SLC16A12: variants seen among roughly 807,000 people sequenced by gnomAD.
SLC16A12 encodes the protein monocarboxylate transporter 12.
Under a neutral mutation model 42.4 loss-of-function variants are expected in SLC16A12, and 17 were observed. The ratio of observed to expected loss-of-function variants is 0.40; its 90% CI spans 0.27 to 0.60. The LOEUF (loss-of-function observed/expected upper bound fraction) is 0.60, where lower values mean the gene tolerates loss of function less well. Among genes scored for constraint, SLC16A12 ranks in the 20% least tolerant of loss-of-function variants. The probability of loss-of-function intolerance (pLI) is 0.42; values close to 1 mark genes in which losing one functional copy is unlikely to be tolerated. For synonymous variants in SLC16A12, 224 were observed against 229.4 expected (o/e 0.98, Z 0.21); for missense variants, 544 against 623.0 (o/e 0.87, Z 1.35).
intron 3 of SLC16A12, among the ~76,000 whole-genome samples, chr10:89,457,230 T>A (rs1842209572): frequency 6.6e-6 from 1 of 152,190 alleles, no homozygotes; most frequent in Non-Finnish European, 1.5e-5. Flanking sequence ...CCTATCCATC[T>A]GACAAAGGTC....
In SLC16A12 at chr10:89,511,604, G is replaced by A. The variant is rs182632984; in HGVS notation, c.-47+22897C>T. Among the ~76,000 whole-genome samples, 4 of 152,184 alleles carry A rather than the reference G, an allele frequency of 2.6e-5. No individual in the cohort carries two copies. In the East Asian group the frequency reaches 7.7e-4, roughly 29 times the overall value. On this transcript the variant is annotated intron_variant, in intron 2 of 7. Transcript: ENST00000371790. The stretch of plus-strand genomic sequence containing the variant: ...GGAGGGTGGAGGGGCTGGGGGAGGG[G>A]ATAGCATTAGGAGAAATACTTAATG...
chr10:89,512,810 TG>T (rs1415512389), intron 2 of SLC16A12, among the ~76,000 whole-genome samples: 3 of 152,214 alleles, frequency 2.0e-5, no homozygotes, highest in Non-Finnish European at 2.9e-5. Flanking sequence ...AAGAGGGGGT[TG>T]GAACCTCTGA....
chr10:89,524,365 C>T (rs1476138812), intron 2 of SLC16A12, among the ~76,000 whole-genome samples: 1 of 152,166 alleles, frequency 6.6e-6, no homozygotes, highest in Non-Finnish European at 1.5e-5. Flanking sequence ...GACCCTGATG[C>T]TCTCGCTCCT....
intron 2 of SLC16A12, among the ~76,000 whole-genome samples, chr10:89,507,192 G>C (rs1392802367): frequency 1.3e-5 from 2 of 152,054 alleles, no homozygotes; most frequent in Admixed American, 6.6e-5. Flanking sequence ...TAGCAAGGCA[G>C]GCCAACATTC....
chr10:89,531,231 A>C lies in SLC16A12; in HGVS notation c.-47+3270T>G, dbSNP rs560791409. Among the ~76,000 whole-genome samples, 8 of 151,986 alleles carry C rather than the reference A, an allele frequency of 5.3e-5. No individual in the cohort carries two copies. The East Asian group carries it at 9.7e-4, about 18-fold the overall frequency. Reference sequence around the variant, plus strand: ...ATGGTGATATCCTGTCTCTACTAAAAAAAAAAAAAGTACAAAAATTAGCCA... The same window carrying C: ...ATGGTGATATCCTGTCTCTACTAAACAAAAAAAAAGTACAAAAATTAGCCA... On this transcript the variant is annotated intron_variant, in intron 2 of 7. Transcript: ENST00000371790.
chr10:89,474,187 T>A (rs1842542594), intron 2 of SLC16A12, among the ~76,000 whole-genome samples: 1 of 152,224 alleles, frequency 6.6e-6, no homozygotes, highest in Non-Finnish European at 1.5e-5. Context: ...TCTCTGTGTA[T>A]GCCTTTCCTG....
intron 2 of SLC16A12, among the ~76,000 whole-genome samples, chr10:89,553,766 T>G (rs1003624727): frequency 5.9e-5 from 9 of 151,978 alleles, no homozygotes; most frequent in Non-Finnish European, 8.8e-5. Context: ...CTCAGCACTT[T>G]GGGTGGACCA....
At chr10:89,457,299 C>G (rs1842210984) in intron 3 of SLC16A12, among the ~76,000 whole-genome samples, 1 of 151,988 alleles carries the variant, frequency 6.6e-6, no homozygotes, top group Non-Finnish European at 1.5e-5. Context: ...ACAAACAACC[C>G]CATTAAAAAG....
chr10:89,520,142 G>A (rs1589723614), intron 2 of SLC16A12, among the ~76,000 whole-genome samples: 1 of 151,574 alleles, frequency 6.6e-6, no homozygotes, highest in Non-Finnish European at 1.5e-5. Context: ...AGAGAAAAAC[G>A]CATATTTCTC....
rs565816647 is a variant in SLC16A12, at chr10:89,464,909, C to A, written c.-46-2285G>T. On this transcript the variant is annotated intron_variant, in intron 2 of 7. Transcript: ENST00000371790. ...AGACTGACAAAGGTGATTACGTGGACAACTGAAATTATAAATCTATCAAAA... is the reference window on the plus strand; with the variant it reads ...AGACTGACAAAGGTGATTACGTGGAAAACTGAAATTATAAATCTATCAAAA... 1.1e-4 allele frequency among the ~76,000 whole-genome samples: 17 copies of A among 152,216 alleles called. No homozygotes were observed. In the South Asian group the frequency reaches 3.5e-3, roughly 32 times the overall value.
At chr10:89,465,794 T>G (rs1263494627) in intron 2 of SLC16A12, among the ~76,000 whole-genome samples, 1 of 152,178 alleles carries the variant, frequency 6.6e-6, no homozygotes, top group African/African-American at 2.4e-5. Flanking sequence ...GTTTAGGGAA[T>G]GGGTTTGGAT....
intron 3 of SLC16A12, among the ~76,000 whole-genome samples, chr10:89,460,394 A>T (rs1310889163): frequency 6.6e-6 from 1 of 152,116 alleles, no homozygotes; most frequent in African/African-American, 2.4e-5. Flanking sequence ...CCAAAGGGAT[A>T]ATTGTCTCCC....
At chr10:89,528,919 T>G (rs1218425994) in intron 2 of SLC16A12, among the ~76,000 whole-genome samples, 1 of 152,222 alleles carries the variant, frequency 6.6e-6, no homozygotes, top group Admixed American at 6.5e-5. Flanking sequence ...TCAACTGATT[T>G]ATGGATACTA....
chr10:89,512,138 C>T (rs567468838), intron 2 of SLC16A12, among the ~76,000 whole-genome samples: 20 of 152,208 alleles, frequency 1.3e-4, no homozygotes, highest in African/African-American at 4.8e-4. Context: ...TGGTGGTTGC[C>T]AGGGCCTGAC....
chr10:89,462,903 C>CTCCAT (rs1842326745), intron 2 of SLC16A12: 1 of 272,716 alleles, frequency 3.7e-6, no homozygotes. Flanking sequence ...AAAGTGTAGT[C>CTCCAT]TCCATGAAAG....
In SLC16A12 at chr10:89,498,643, T is replaced by C. The variant is rs890306681; in HGVS notation, c.-47+35858A>G. ...GAACAGCTTGAGGAGACTCGCATTA[T>C]GAATTTTTGTTCCAGAATGACTGCA... On this transcript the variant is annotated intron_variant, in intron 2 of 7. Coordinates refer to ENST00000371790, the MANE Select transcript of SLC16A12 (RefSeq NM_213606.4). Among the ~76,000 whole-genome samples, 5 of 152,200 alleles carry C rather than the reference T, an allele frequency of 3.3e-5. No individual in the cohort carries two copies. The East Asian group carries it at 9.6e-4, about 29-fold the overall frequency.
At chr10:89,519,749 G>A (rs1843320118) in intron 2 of SLC16A12, among the ~76,000 whole-genome samples, 1 of 151,928 alleles carries the variant, frequency 6.6e-6, no homozygotes, top group Non-Finnish European at 1.5e-5. Flanking sequence ...GGGGGTCCGA[G>A]GAAAAGAATG....
intron 2 of SLC16A12, among the ~76,000 whole-genome samples, chr10:89,520,048 G>A (rs1490470197): frequency 6.6e-6 from 1 of 151,618 alleles, no homozygotes; most frequent in Non-Finnish European, 1.5e-5. Context: ...GGGAGGTGGA[G>A]GTTGCAGTGA....
intron 2 of SLC16A12, among the ~76,000 whole-genome samples, chr10:89,499,109 T>C (rs1341609184): frequency 6.6e-6 from 1 of 151,952 alleles, no homozygotes; most frequent in Non-Finnish European, 1.5e-5. Flanking sequence ...TTGCCAGCAA[T>C]GGATCCAAAC....
Sources: allele counts gnomAD v4.1 joint callset (sites outside exome capture counted in the v4.1 genomes callset), GRCh38; gene constraint gnomAD v4.1.1; transcripts MANE v1.5; gene names NCBI Gene and HGNC (gene_info 2026-07-23, HGNC 2026-07-21).